Variants in KLHL8 observed in about 807,000 individuals in gnomAD.
The protein encoded by KLHL8 is kelch like family member 8.
A neutral mutation model predicts 63.5 loss-of-function variants in KLHL8; 38 were observed. The observed-to-expected ratio is 0.60, with a 90% CI of 0.46 to 0.78. The LOEUF is 0.78. Among genes scored for constraint, KLHL8 ranks in the 30% least tolerant of loss-of-function variants. The pLI is 0.00. For missense variants in KLHL8, 566 were observed against 752.4 expected (o/e 0.75, Z 2.90); for synonymous variants, 224 against 254.3 (o/e 0.88, Z 1.13).
chr4:87,206,967 C>T (rs1732154007), intron 1 of KLHL8: 2 of 273,754 alleles, frequency 7.3e-6, no homozygotes, highest in Non-Finnish European at 1.4e-5. Context: ...TGAATTAACA[C>T]GATCTCTATG....
intron 1 of KLHL8, among the ~76,000 whole-genome samples, chr4:87,206,006 C>A (rs934173885): frequency 6.6e-6 from 1 of 152,190 alleles, no homozygotes; most frequent in African/African-American, 2.4e-5. Flanking sequence ...CCTCACTATA[C>A]TTTTAGATTC....
rs766469673 is a variant in KLHL8 at position 87,185,504 on chromosome 4, G to T, written c.512C>A (p.Ala171Glu). Reference protein sequence around the residue: ...KLHFHPSNCLAVRAFAESHNR... With the variant: ...KLHFHPSNCLEVRAFAESHNR... ...GTGACTTTCTGCAAAGGCTCTTACT[G>T]CCAGGCAATTGGAGGGATGAAAATG... The change falls in exon 3 of 10, where the codon GCA becomes GAA. Residue 171 changes from alanine to glutamate, a missense_variant. Physicochemically the swap from Ala to Glu is moderately radical, Grantham distance 107. Transcript: ENST00000273963. The T allele has an allele frequency of 2.5e-6, 4 of 1,614,150 alleles. No homozygotes were observed. In the South Asian group the frequency reaches 4.4e-5, roughly 18 times the overall value.
At chr4:87,215,091 G>T (rs557158332) in intron 1 of KLHL8, among the ~76,000 whole-genome samples, 1 of 152,118 alleles carries the variant, frequency 6.6e-6, no homozygotes, top group African/African-American at 2.4e-5. Flanking sequence ...GAGCCACCCC[G>T]CTCGGCCAGA....
At chr4:87,211,749 T>C (rs1732416117) in intron 1 of KLHL8, among the ~76,000 whole-genome samples, 1 of 152,078 alleles carries the variant, frequency 6.6e-6, no homozygotes, top group African/African-American at 2.4e-5. Context: ...ATTTCCTAAC[T>C]GGAAGTCAGG....
chr4:87,179,688 G>A (rs1452401173), intron 4 of KLHL8, among the ~76,000 whole-genome samples: 1 of 151,972 alleles, frequency 6.6e-6, no homozygotes, highest in African/African-American at 2.4e-5. Flanking sequence ...GAGGCAGGAG[G>A]ATCACTTGAG....
At chr4:87,214,451 T>C (rs1732520991) in intron 1 of KLHL8, among the ~76,000 whole-genome samples, 1 of 104,476 alleles carries the variant, frequency 9.6e-6, no homozygotes, top group African/African-American at 3.5e-5. Context: ...TATATATATA[T>C]ATATATATAA....
In KLHL8 at chr4:87,163,300, A is replaced by G. The variant is rs1730247866; in HGVS notation, c.*219T>C. ...TTTAAGTTCGACTATCTTCTTCCCTACTCCATTATTTGCAAAAGCAGGAAG... is the reference window on the plus strand; with the variant it reads ...TTTAAGTTCGACTATCTTCTTCCCTGCTCCATTATTTGCAAAAGCAGGAAG... On this transcript the variant is annotated 3_prime_UTR_variant, in exon 10 of 10. Transcript: ENST00000273963. 1 of 391,790 alleles carries G rather than the reference A, an allele frequency of 2.6e-6. No homozygotes were observed. The allele number at this position is 391,790 out of a possible 1,614,324, so 24.3% of individuals were successfully genotyped here.
At chr4:87,181,021 G>C (rs897566987) in intron 4 of KLHL8, among the ~76,000 whole-genome samples, 1 of 151,996 alleles carries the variant, frequency 6.6e-6, no homozygotes, top group Middle Eastern at 3.2e-3. Context: ...GGATGACAGA[G>C]CAAGATCCTG....
chr4:87,236,272 G>A (rs938059433), intron 1 of KLHL8, among the ~76,000 whole-genome samples: 1 of 149,404 alleles, frequency 6.7e-6, no homozygotes, highest in Admixed American at 6.7e-5. Context: ...GCAGTGGGGC[G>A]ATCTCGGCTC....
Position 87,170,253 on chromosome 4 carries a change from TCAAA to T in KLHL8, c.1378-19_1378-16del. 1.2e-6 allele frequency: 2 copies of T among 1,600,146 alleles called. No individual in the cohort carries two copies. The highest frequency in any genetic ancestry group is 1.7e-6 in the Non-Finnish European group (2 of 1,173,560). On this transcript the variant is annotated splice_polypyrimidine_tract_variant and intron_variant, in intron 7 of 9. Coordinates refer to ENST00000273963, the MANE Select transcript of KLHL8 (RefSeq NM_020803.5). ...TAAACATGGTTCTAAATGAAGAGAG[TCAAA>T]CAAAACACATTAGATTTCGAATTTA... is the stretch of plus-strand genomic sequence containing the variant.
Position 87,197,678 on chromosome 4 carries a change from C to T in KLHL8, c.-151-1988G>A, listed in dbSNP as rs144360319. On this transcript the variant is annotated intron_variant, in intron 1 of 9. Coordinates refer to ENST00000273963, the MANE Select transcript of KLHL8 (RefSeq NM_020803.5). ...ACACAATAAAAAATGAATATAGACA[C>T]CTTCTGTCAGGTCTAAAATTTTATC... Among the ~76,000 whole-genome samples, 226 of 152,260 alleles carry T rather than the reference C, an allele frequency of 1.5e-3. 2 individuals carry two copies. Among genetic ancestry groups the T allele is most frequent in the African/African-American group, 4.9e-3 (202 of 41,550 alleles).
At chr4:87,203,690 T>TAA (rs1172419470) in intron 1 of KLHL8, among the ~76,000 whole-genome samples, 2 of 150,246 alleles carry the variant, frequency 1.3e-5, no homozygotes, top group African/African-American at 4.8e-5. Flanking sequence ...GTTATATATA[T>TAA]AACTATACCT....
chr4:87,199,785 G>T (rs750132461), intron 1 of KLHL8, among the ~76,000 whole-genome samples: 4 of 151,934 alleles, frequency 2.6e-5, no homozygotes, highest in African/African-American at 7.3e-5. Flanking sequence ...TTGAGCCCAG[G>T]AGTTCAAGGT....
At chr4:87,200,169 AAAAG>A (rs1311485669) in intron 1 of KLHL8, among the ~76,000 whole-genome samples, 1 of 151,494 alleles carries the variant, frequency 6.6e-6, no homozygotes, top group Non-Finnish European at 1.5e-5. Flanking sequence ...AAGAAAAAAA[AAAAG>A]GTAAAGGACT....
chr4:87,168,722 G>A (rs915336238), intron 8 of KLHL8, among the ~76,000 whole-genome samples: 3 of 143,052 alleles, frequency 2.1e-5, no homozygotes, highest in South Asian at 2.2e-4. Flanking sequence ...ATATATATAC[G>A]TATATATATG....
chr4:87,190,908 A>G (rs1332745678), intron 2 of KLHL8, among the ~76,000 whole-genome samples: 1 of 152,160 alleles, frequency 6.6e-6, no homozygotes, highest in Non-Finnish European at 1.5e-5. Context: ...TCTAAATACA[A>G]TTTTAATGAG....
chr4:87,194,729 T>C (rs182855521), intron 2 of KLHL8, among the ~76,000 whole-genome samples: 2 of 152,334 alleles, frequency 1.3e-5, no homozygotes, highest in East Asian at 3.9e-4. Flanking sequence ...TTAAAACTGG[T>C]TGCTTTTAGG....
chr4:87,168,608 A>G (rs1318860065), intron 8 of KLHL8, among the ~76,000 whole-genome samples: 3 of 151,128 alleles, frequency 2.0e-5, no homozygotes, highest in Non-Finnish European at 2.9e-5. Flanking sequence ...TCAATTTATA[A>G]TATTTTTTTC....
intron 4 of KLHL8, among the ~76,000 whole-genome samples, chr4:87,182,895 G>C (rs1215219944): frequency 2.0e-5 from 3 of 152,140 alleles, no homozygotes; most frequent in African/African-American, 7.2e-5. Flanking sequence ...CTTAAGACAT[G>C]TCAAATGAGT....
Sources: allele counts gnomAD v4.1 joint callset (sites outside exome capture counted in the v4.1 genomes callset), GRCh38; gene constraint gnomAD v4.1.1; transcripts MANE v1.5; gene names NCBI Gene and HGNC (gene_info 2026-07-23, HGNC 2026-07-21).